The following RAPGEF2 variants were observed in gnomAD, a reference collection of about 807,000 sequenced individuals.
RAPGEF2 encodes the protein PDZ domain containing guanine nucleotide exchange factor (GEF) 1.
RAPGEF2 carries 54 observed loss-of-function variants against 186.7 expected under a neutral mutation model. The ratio of observed to expected loss-of-function variants is 0.29; its 90% CI spans 0.23 to 0.36. The LOEUF (loss-of-function observed/expected upper bound fraction) is 0.36. RAPGEF2 is among the 10% of genes least tolerant of loss of function. The pLI, the probability that RAPGEF2 is intolerant of heterozygous loss-of-function variation, is 1.00. For missense variants in RAPGEF2, 1,532 were observed against 2,045.0 expected, an observed-to-expected ratio of 0.75 and a Z score of 4.84; for synonymous variants, 712 against 705.9, an observed-to-expected ratio of 1.01 and a Z score of -0.14.
chr4:159,258,577 C>A (rs1756453410), intron 7 of RAPGEF2, among the ~76,000 whole-genome samples: 1 of 152,014 alleles, frequency 6.6e-6, no homozygotes, highest in African/African-American at 2.4e-5. Context: ...GACTATTAAA[C>A]CATTTTGAAA....
chr4:159,171,961 G>C (rs1297390214), intron 1 of RAPGEF2, among the ~76,000 whole-genome samples: 1 of 151,498 alleles, frequency 6.6e-6, no homozygotes, highest in Admixed American at 6.6e-5. Context: ...CATTTCTTCT[G>C]TTAAGGATAT....
chr4:159,275,638 A>G (rs975102307), intron 7 of RAPGEF2, among the ~76,000 whole-genome samples: 14 of 152,172 alleles, frequency 9.2e-5, no homozygotes, highest in Admixed American at 2.6e-4. Context: ...TATACGCTCT[A>G]TCTCTTGTCA....
At chr4:159,275,816 A>C (rs1758787469) in intron 7 of RAPGEF2, among the ~76,000 whole-genome samples, 1 of 152,154 alleles carries the variant, frequency 6.6e-6, no homozygotes, top group Non-Finnish European at 1.5e-5. Context: ...AATGTGAAAA[A>C]GCTGAAGAGT....
chr4:159,203,280 C>T (rs1383308011), intron 3 of RAPGEF2, among the ~76,000 whole-genome samples: 2 of 152,150 alleles, frequency 1.3e-5, no homozygotes, highest in Non-Finnish European at 2.9e-5. Context: ...TAATACCTTA[C>T]CTGGGTTCCT....
chr4:159,147,178 A>G (rs1743039351), intron 1 of RAPGEF2, among the ~76,000 whole-genome samples: 1 of 152,222 alleles, frequency 6.6e-6, no homozygotes, highest in African/African-American at 2.4e-5. Context: ...ACTAAACATT[A>G]TTGGATAAAA....
At chr4:159,176,979 T>G (rs1285071999) in intron 1 of RAPGEF2, among the ~76,000 whole-genome samples, 1 of 152,184 alleles carries the variant, frequency 6.6e-6, no homozygotes, top group Admixed American at 6.5e-5. Flanking sequence ...TCCTAGCCAA[T>G]CTTTCTTGGA....
At chr4:159,170,890 G>T (rs1745846557) in intron 1 of RAPGEF2, among the ~76,000 whole-genome samples, 1 of 151,974 alleles carries the variant, frequency 6.6e-6, no homozygotes, top group Non-Finnish European at 1.5e-5. Flanking sequence ...TATTAATAAG[G>T]GTCTAATTTT....
chr4:159,256,984 G>A (rs949844687), intron 7 of RAPGEF2, among the ~76,000 whole-genome samples: 2 of 152,092 alleles, frequency 1.3e-5, no homozygotes, highest in African/African-American at 4.8e-5. Context: ...CTCCCATTCT[G>A]TAGGTTGTCT....
At chr4:159,279,931 C>T (rs572486090) in intron 7 of RAPGEF2, among the ~76,000 whole-genome samples, 26 of 152,106 alleles carry the variant, frequency 1.7e-4, no homozygotes, top group Admixed American at 6.6e-4. Flanking sequence ...GTAATCTGCC[C>T]GCCTCGGCCT....
chr4:159,188,998 A>T (rs193192716), intron 2 of RAPGEF2, among the ~76,000 whole-genome samples: 288 of 147,918 alleles, frequency 1.9e-3, no homozygotes, highest in Non-Finnish European at 3.4e-3. Flanking sequence ...CACATACATA[A>T]TAACAAAAAT....
chr4:159,165,413 T>C (rs2111231809), intron 1 of RAPGEF2, among the ~76,000 whole-genome samples: 1 of 152,312 alleles, frequency 6.6e-6, no homozygotes, highest in South Asian at 2.1e-4. Context: ...ATCGGATATG[T>C]TTTGGTAATT....
At chr4:159,208,187 C>T (rs1358860866) in intron 3 of RAPGEF2, among the ~76,000 whole-genome samples, 1 of 152,108 alleles carries the variant, frequency 6.6e-6, no homozygotes, top group African/African-American at 2.4e-5. Context: ...GTAGATAGCA[C>T]AGTGAAAATG....
At chr4:159,349,185 G>GT (rs1264640183) in intron 25 of RAPGEF2, among the ~76,000 whole-genome samples, 4 of 152,000 alleles carry the variant, frequency 2.6e-5, no homozygotes, top group African/African-American at 4.8e-5. Context: ...GCTTTAAAAG[G>GT]TTTTTTTAAA....
chr4:159,119,811 C>A (rs1301036520), intron 1 of RAPGEF2, among the ~76,000 whole-genome samples: 1 of 152,234 alleles, frequency 6.6e-6, no homozygotes, highest in Non-Finnish European at 1.5e-5. Context: ...AACATCCCAT[C>A]TATTGATTTA....
intron 2 of RAPGEF2, among the ~76,000 whole-genome samples, chr4:159,191,201 C>T (rs894221351): frequency 3.9e-5 from 5 of 129,504 alleles, no homozygotes; most frequent in African/African-American, 1.4e-4. Flanking sequence ...CCAAAAGAGA[C>T]AGAAAAAAAA....
chr4:159,315,384 G>T (rs979810960), intron 9 of RAPGEF2, among the ~76,000 whole-genome samples: 17 of 147,144 alleles, frequency 1.2e-4, no homozygotes, highest in African/African-American at 3.8e-4. Flanking sequence ...GGGGTTTGTT[G>T]TATAGATTAT....
rs1421963557 is a variant in RAPGEF2, at chr4:159,314,606, G to T, written c.691G>T (p.Ala231Ser). The T allele has an allele frequency of 6.2e-7, 1 of 1,610,586 alleles. No individual in the cohort carries two copies. The highest frequency in any genetic ancestry group is 8.5e-7 in the Non-Finnish European group (1 of 1,179,178). The part of the protein sequence containing the change: ...SDIYQATESE[A>S]GDMDLSGLPE... ...GTGTCTTAAGGCCACAGAAAGCGAG[G>T]CTGGTGATATGGACCTGAGTGGGTT... Residue 231 changes from alanine to serine, a missense_variant, in exon 9 of 30, where the codon GCT becomes TCT. Ala to Ser is a moderately conservative substitution (Grantham distance 99). Around this residue, in one of 4 missense-constraint regions of RAPGEF2, gnomAD observed 810 missense variants for 1,210.5 expected, o/e 0.67. Coordinates refer to ENST00000691494, the MANE Select transcript of RAPGEF2 (RefSeq NM_001394067.2).
intron 4 of RAPGEF2, among the ~76,000 whole-genome samples, chr4:159,225,112 G>A (rs1751894335): frequency 6.6e-6 from 1 of 152,186 alleles, no homozygotes; most frequent in African/African-American, 2.4e-5. Context: ...TGGGTCACCT[G>A]AGAAAGGTTG....
At chr4:159,164,854 G>C (rs1280351351) in intron 1 of RAPGEF2, among the ~76,000 whole-genome samples, 1 of 152,142 alleles carries the variant, frequency 6.6e-6, no homozygotes, top group Non-Finnish European at 1.5e-5. Flanking sequence ...TAGCTTTCCA[G>C]CGTATTTTGT....
Sources: allele counts gnomAD v4.1 joint callset (sites outside exome capture counted in the v4.1 genomes callset), GRCh38; gene constraint gnomAD v4.1.1; regional missense constraint gnomAD v4.1.1; transcripts MANE v1.5; gene names NCBI Gene and HGNC (gene_info 2026-07-23, HGNC 2026-07-21).